TENM3: variants seen among roughly 807,000 people sequenced by gnomAD.
TENM3 encodes teneurin-3.
In TENM3, 63 loss-of-function variants were observed where a neutral mutation model predicts 255.1. The ratio of observed to expected loss-of-function variants is 0.25; its 90% CI spans 0.20 to 0.30. TENM3 has a LOEUF of 0.30. Ranked by LOEUF, TENM3 falls within the 10% of genes least tolerant of loss-of-function variation. The pLI, the probability that TENM3 is intolerant of heterozygous loss-of-function variation, is 1.00. For synonymous variants in TENM3, 1,306 were observed against 1,322.3 expected (o/e 0.99, Z 0.27); for missense variants, 2,929 against 3,461.1 (o/e 0.85, Z 3.86).
intron 1 of TENM3, among the ~76,000 whole-genome samples, chr4:182,182,908 T>A (rs537156285): frequency 4.6e-5 from 7 of 152,322 alleles, no homozygotes; most frequent in Non-Finnish European, 8.8e-5. Flanking sequence ...ACCAACAGTC[T>A]ATTATGATTA....
the TENM3 span, among the ~76,000 whole-genome samples, chr4:181,599,264 C>A: frequency 6.6e-6 from 1 of 152,192 alleles, no homozygotes; most frequent in African/African-American, 2.4e-5. Context: ...TTATTCCCTT[C>A]GTTCTGTGCA....
the TENM3 span, among the ~76,000 whole-genome samples, chr4:181,790,560 T>C: frequency 6.6e-6 from 1 of 151,862 alleles, no homozygotes; most frequent in Non-Finnish European, 1.5e-5. Flanking sequence ...AGAATAGAAA[T>C]AGAAAAGTTA....
intron 3 of TENM3, among the ~76,000 whole-genome samples, chr4:182,475,981 A>G (rs2151482027): frequency 6.6e-6 from 1 of 152,346 alleles, no homozygotes; most frequent in South Asian, 2.1e-4. Flanking sequence ...CTTAAGTGGA[A>G]TATATGGGAC....
At chr4:181,595,849 G>A in the TENM3 span, among the ~76,000 whole-genome samples, 1 of 152,008 alleles carries the variant, frequency 6.6e-6, no homozygotes, top group Non-Finnish European at 1.5e-5. Context: ...ATCTTAGCAT[G>A]ACTGAATCCA....
At chr4:182,694,440 A>G (rs1044241753) in intron 12 of TENM3, among the ~76,000 whole-genome samples, 1 of 152,156 alleles carries the variant, frequency 6.6e-6, no homozygotes, top group Non-Finnish European at 1.5e-5. Context: ...AATCGTGATG[A>G]TGAAAGAAAG....
chr4:181,751,338 C>A, the TENM3 span, among the ~76,000 whole-genome samples: 2 of 151,294 alleles, frequency 1.3e-5, no homozygotes, highest in East Asian at 3.9e-4. Flanking sequence ...TTCCAACAAA[C>A]CATCTTGTTT....
At chr4:182,596,752 C>T (rs754392269) in intron 3 of TENM3, among the ~76,000 whole-genome samples, 28 of 152,114 alleles carry the variant, frequency 1.8e-4, no homozygotes, top group Non-Finnish European at 3.7e-4. Context: ...GAGTTCATTT[C>T]AAGTTTGATA....
intron 1 of TENM3, among the ~76,000 whole-genome samples, chr4:182,214,314 T>C (rs1755289086): frequency 6.6e-6 from 1 of 152,186 alleles, no homozygotes; most frequent in Non-Finnish European, 1.5e-5. Flanking sequence ...AACTGTAACA[T>C]AACTGACTGA....
intron 3 of TENM3, among the ~76,000 whole-genome samples, chr4:182,582,156 C>T (rs1240757850): frequency 2.6e-5 from 4 of 152,358 alleles, no homozygotes; most frequent in South Asian, 4.1e-4. Context: ...CTGGATAGCA[C>T]TCTGACCTCC....
the TENM3 span, among the ~76,000 whole-genome samples, chr4:182,132,677 C>T: frequency 6.6e-6 from 1 of 152,126 alleles, no homozygotes; most frequent in African/African-American, 2.4e-5. Flanking sequence ...GTGGAATTCA[C>T]ATTGGCGTGT....
chr4:181,452,262 A>G, the TENM3 span, among the ~76,000 whole-genome samples: 1 of 152,208 alleles, frequency 6.6e-6, no homozygotes, highest in Non-Finnish European at 1.5e-5. Flanking sequence ...GAAATTGAAG[A>G]GATAAATAGG....
In TENM3 at chr4:182,719,284, C is replaced by T. The variant is rs187333318; in HGVS notation, c.2368+5051C>T. On this transcript the variant is annotated intron_variant, in intron 13 of 27. Coordinates refer to ENST00000511685, the MANE Select transcript of TENM3 (RefSeq NM_001080477.4). ...TTTTTTTTTTTTTTTTTTTTTGAGACGGAGTCTCGCTCTGTCTCCCAGGCT... is the reference window on the plus strand; with the variant it reads ...TTTTTTTTTTTTTTTTTTTTTGAGATGGAGTCTCGCTCTGTCTCCCAGGCT... Among the ~76,000 whole-genome samples the T allele has an allele frequency of 3.0e-3, 253 of 83,692 alleles. 1 individual carries two copies. The highest frequency in any genetic ancestry group is 5.5e-3 in the Admixed American group (27 of 4,952). 54.9% of individuals were successfully genotyped at this position (83,692 alleles called of 152,430 possible). A position where few individuals can be genotyped will look rare whatever the true frequency, so the allele number is the denominator to read the frequency against.
the TENM3 span, among the ~76,000 whole-genome samples, chr4:181,899,084 T>A: frequency 3.3e-5 from 5 of 152,096 alleles, no homozygotes; most frequent in South Asian, 2.1e-4. Flanking sequence ...AGTGAATATT[T>A]TCAAAGATTT....
the TENM3 span, among the ~76,000 whole-genome samples, chr4:181,617,887 C>T: frequency 2.0e-5 from 3 of 152,180 alleles, 1 homozygote; most frequent in South Asian, 6.2e-4. Context: ...AATGATAGCT[C>T]ATTTGGTGGA....
At chr4:182,094,478 C>T in the TENM3 span, among the ~76,000 whole-genome samples, 1 of 152,140 alleles carries the variant, frequency 6.6e-6, no homozygotes, top group African/African-American at 2.4e-5. Flanking sequence ...GAACTCCTGA[C>T]GTTGTGATCC....
the TENM3 span, among the ~76,000 whole-genome samples, chr4:182,112,923 T>C: frequency 6.6e-6 from 1 of 152,184 alleles, no homozygotes; most frequent in Non-Finnish European, 1.5e-5. Context: ...GCTCTACTGC[T>C]AACAGTCTGG....
chr4:181,548,211 T>A, the TENM3 span, among the ~76,000 whole-genome samples: 1 of 152,186 alleles, frequency 6.6e-6, no homozygotes, highest in Non-Finnish European at 1.5e-5. Context: ...ACACTGTTAG[T>A]GGGACTGTAA....
At chr4:181,747,222 A>G in the TENM3 span, among the ~76,000 whole-genome samples, 1 of 152,102 alleles carries the variant, frequency 6.6e-6, no homozygotes, top group African/African-American at 2.4e-5. Context: ...ATAGAAGGAG[A>G]AATTTCATCC....
the TENM3 span, chr4:182,012,877 C>G: frequency 1.3e-5 from 2 of 152,164 alleles, no homozygotes; most frequent in Admixed American, 1.3e-4. Context: ...CTAAAAATAT[C>G]TGTTTTATTT....
Sources: gnomAD v4.1 joint callset for allele counts (sites outside exome capture counted in the v4.1 genomes callset) on GRCh38, gnomAD v4.1.1 for gene constraint, MANE v1.5 for transcripts, NCBI Gene and HGNC (gene_info 2026-07-23, HGNC 2026-07-21) for gene names.